The following SLC17A6 variants were observed in gnomAD, a reference collection of about 807,000 sequenced individuals.
SLC17A6 encodes solute carrier family 17 member 6.
In SLC17A6, 35 loss-of-function variants were observed where a neutral mutation model predicts 67.1. The ratio of observed to expected loss-of-function variants is 0.52; its 90% CI spans 0.40 to 0.69. SLC17A6 has a LOEUF of 0.69. Among genes scored for constraint, SLC17A6 ranks in the 30% least tolerant of loss-of-function variants. The pLI is 0.00. For missense variants in SLC17A6, 588 were observed against 723.9 expected, an observed-to-expected ratio of 0.81 and a Z score of 2.15; for synonymous variants, 285 against 252.3, an observed-to-expected ratio of 1.13 and a Z score of -1.23.
At position 22,338,611 on chromosome 11, in the gene SLC17A6, G is replaced by T. The variant is rs775497797; in HGVS notation, c.78G>T (p.Gln26His). 1.2e-6 allele frequency: 2 copies of T among 1,612,684 alleles called. No homozygotes were observed. The highest frequency in any genetic ancestry group is 3.3e-5 in the Admixed American group (2 of 59,866). The change falls in exon 1 of 12, where the codon CAG becomes CAT. Residue 26 changes from glutamine to histidine, a missense_variant. By Grantham distance (24) the Gln-to-His change is conservative. Coordinates refer to ENST00000263160, the MANE Select transcript of SLC17A6 (RefSeq NM_020346.3). ...ATTTTGCTGGAAAATCACTCGGCCA[G>T]ATCTACAGGTAAGACAAAGCGAACA... ...LKNFAGKSLG[Q>H]IYRVLEKKQD...
At chr11:22,339,221 AAG>A (rs1225501904) in intron 1 of SLC17A6, among the ~76,000 whole-genome samples, 2 of 144,936 alleles carry the variant, frequency 1.4e-5, no homozygotes, top group East Asian at 2.0e-4. Context: ...GAGAGAGAGA[AAG>A]AGAGAGGTCT....
At chr11:22,348,071 C>T (rs1855897986) in intron 3 of SLC17A6, among the ~76,000 whole-genome samples, 2 of 152,148 alleles carry the variant, frequency 1.3e-5, no homozygotes, top group Admixed American at 6.5e-5. Context: ...CCAACCCTCT[C>T]ATTTTACAGA....
At chr11:22,342,301 G>T (rs957688331) in intron 2 of SLC17A6, among the ~76,000 whole-genome samples, 1 of 152,092 alleles carries the variant, frequency 6.6e-6, no homozygotes, top group Admixed American at 6.5e-5. Flanking sequence ...AGGGTGGCAG[G>T]GAGTCGCGCC....
intron 7 of SLC17A6, among the ~76,000 whole-genome samples, chr11:22,368,392 GA>G (rs1182996474): frequency 5.3e-5 from 8 of 151,746 alleles, no homozygotes; most frequent in East Asian, 1.9e-4. Context: ...CATATGTACA[GA>G]AAAAAACACT....
chr11:22,348,667 T>C (rs1855904787), intron 3 of SLC17A6, among the ~76,000 whole-genome samples: 1 of 152,204 alleles, frequency 6.6e-6, no homozygotes, highest in Non-Finnish European at 1.5e-5. Context: ...CTTGGGGTTT[T>C]GACTGATGCA....
At chr11:22,361,062 A>C in intron 5 of SLC17A6, 78 bp downstream of exon 5, 1 of 1,217,576 alleles carries the variant, frequency 8.2e-7, no homozygotes, top group South Asian at 1.4e-5. Flanking sequence ...AATTTGGTAA[A>C]CTCACCTGTA....
At chr11:22,374,138 G>A (rs1454822919) in intron 8 of SLC17A6, among the ~76,000 whole-genome samples, 4 of 152,128 alleles carry the variant, frequency 2.6e-5, no homozygotes, top group Admixed American at 1.3e-4. Context: ...ATCTTGGTGC[G>A]TAAAGTTTTA....
chr11:22,339,134 A>T (rs866457435), intron 1 of SLC17A6, among the ~76,000 whole-genome samples: 35 of 9,742 alleles, frequency 3.6e-3, no homozygotes, highest in African/African-American at 0.013. Context: ...TATATGTTAT[A>T]TATATATGTT....
intron 3 of SLC17A6, among the ~76,000 whole-genome samples, chr11:22,356,503 G>T (rs1360321329): frequency 6.6e-6 from 1 of 152,078 alleles, no homozygotes; most frequent in Non-Finnish European, 1.5e-5. Flanking sequence ...TGGATTTTGA[G>T]ATGAAGCGCC....
At chr11:22,361,178 T>C (rs1856048064) in intron 5 of SLC17A6, 194 bp downstream of exon 5, 2 of 492,814 alleles carry the variant, frequency 4.1e-6, no homozygotes, top group Admixed American at 7.0e-5. Context: ...TTTATTCTTG[T>C]GTTTGTATTT....
rs1475267484 is a variant in SLC17A6, at chr11:22,377,687, C to T, written c.1696C>T (p.Gln566Ter). 6 of 1,612,016 alleles carry T rather than the reference C, an allele frequency of 3.7e-6. No homozygotes were observed. The highest frequency in any genetic ancestry group is 4.2e-6 in the Non-Finnish European group (5 of 1,179,442). ...SGWEKKEEFV[Q>*]GEVQDSHSYK... is the part of the protein sequence containing the mutation. ...TTGGGAAAAGAAAGAGGAATTTGTACAAGGAGAAGTACAAGACTCACATAG... is the reference window on the plus strand; with the variant it reads ...TTGGGAAAAGAAAGAGGAATTTGTATAAGGAGAAGTACAAGACTCACATAG... The change falls in exon 12 of 12, where the codon CAA becomes TAA. Residue 566 changes from glutamine (Q) to a stop codon, truncating the protein, a stop_gained. Transcript: ENST00000263160. LOFTEE classifies it high-confidence loss of function.
intron 1 of SLC17A6, among the ~76,000 whole-genome samples, chr11:22,340,229 G>A (rs1188376489): frequency 6.6e-6 from 1 of 152,188 alleles, no homozygotes; most frequent in Non-Finnish European, 1.5e-5. Flanking sequence ...CAATTACACG[G>A]TAGATTGGAA....
At chr11:22,369,892 G>C (rs1432857164) in intron 7 of SLC17A6, 147 bp from the exon 8 acceptor site, 1 of 633,716 alleles carries the variant, frequency 1.6e-6, no homozygotes, top group Non-Finnish European at 2.6e-6. Context: ...GGTTAACTGG[G>C]TGGTTATAAT....
In SLC17A6 at chr11:22,343,342, C is replaced by T. The variant is rs557561735; in HGVS notation, c.435C>T (p.Ile145=). Reference sequence around the variant, plus strand: ...TCACTCAGATTCCGGGAGGCTACATCGCGTCTCGGCTGGCAGCCAACAGGT... The same window carrying T: ...TCACTCAGATTCCGGGAGGCTACATTGCGTCTCGGCTGGCAGCCAACAGGT... ...YIITQIPGGY[I]ASRLAANRVF... Residue 145 remains isoleucine, a synonymous_variant, in exon 3 of 12, where the codon ATC becomes ATT. Transcript: ENST00000263160. 4 of 1,611,236 alleles carry T rather than the reference C, an allele frequency of 2.5e-6. No homozygotes were observed. The African/African-American group carries it at 4.0e-5, about 16-fold the overall frequency.
At chr11:22,370,764 A>G (rs1398180204) in intron 8 of SLC17A6, among the ~76,000 whole-genome samples, 3 of 152,166 alleles carry the variant, frequency 2.0e-5, no homozygotes, top group Admixed American at 6.6e-5. Flanking sequence ...TGTCCTCAAA[A>G]TGCTCACAGC....
At chr11:22,343,470 C>G in intron 3 of SLC17A6, 105 bp downstream of exon 3, 2 of 928,784 alleles carry the variant, frequency 2.2e-6, no homozygotes, top group South Asian at 3.3e-5. Context: ...TTTGAGGACT[C>G]CCGGGCGAAG....
intron 7 of SLC17A6, 45 bp downstream of exon 7, chr11:22,365,734 C>T (rs541494682): frequency 5.5e-5 from 86 of 1,561,398 alleles, no homozygotes; most frequent in South Asian, 3.9e-4. Context: ...ATTCCCATCT[C>T]GCCCCCATTG....
rs142520031 is a variant in SLC17A6, at chr11:22,340,358, T to C, written c.87-1170T>C. Among the ~76,000 whole-genome samples, 562 of 152,344 alleles carry C rather than the reference T, an allele frequency of 3.7e-3. 3 individuals are homozygous for C. Among genetic ancestry groups the C allele is most frequent in the Admixed American group, 8.5e-3 (130 of 15,306 alleles). On this transcript the variant is annotated intron_variant, in intron 1 of 11. Coordinates refer to ENST00000263160, the MANE Select transcript of SLC17A6 (RefSeq NM_020346.3). ...ATTCCTTTTGTTTGTTTGTTGTTAA[T>C]AGAAATTTCATGAATATGTTGTAGA...
intron 1 of SLC17A6, among the ~76,000 whole-genome samples, chr11:22,340,415 T>G (rs1206014665): frequency 2.0e-5 from 3 of 152,236 alleles, no homozygotes; most frequent in African/African-American, 7.2e-5. Flanking sequence ...GTAAAACCAT[T>G]CCTTTTCTCT....
Sources: gnomAD v4.1 joint callset for allele counts (sites outside exome capture counted in the v4.1 genomes callset) on GRCh38, gnomAD v4.1.1 for gene constraint, MANE v1.5 for transcripts, NCBI Gene and HGNC (gene_info 2026-07-23, HGNC 2026-07-21) for gene names.